GRB10: variants seen among roughly 807,000 people sequenced by gnomAD.
GRB10 encodes growth factor receptor bound protein 10.
GRB10 carries 20 observed loss-of-function variants against 80.9 expected under a neutral mutation model. The ratio of observed to expected loss-of-function variants is 0.25; its 90% CI spans 0.17 to 0.36. The LOEUF is 0.36. Ranked by LOEUF, GRB10 falls within the 10% of genes least tolerant of loss-of-function variation. GRB10 has a pLI of 1.00. For synonymous variants in GRB10, 291 were observed against 291.5 expected (o/e 1.00, Z 0.02); for missense variants, 548 against 747.7 (o/e 0.73, Z 3.12).
At chr7:50,692,926 C>A (rs2153659675) in intron 5 of GRB10, among the ~76,000 whole-genome samples, 1 of 152,244 alleles carries the variant, frequency 6.6e-6, no homozygotes, top group African/African-American at 2.4e-5. Flanking sequence ...GACTTCTGGG[C>A]AAGTTATCAA....
chr7:50,769,226 A>C (rs760686545), intron 2 of GRB10, among the ~76,000 whole-genome samples: 4 of 152,208 alleles, frequency 2.6e-5, no homozygotes, highest in Non-Finnish European at 5.9e-5. Context: ...AAGAGTCACA[A>C]CAATCGAATT....
chr7:50,733,840 G>C (rs1288964531), intron 3 of GRB10, among the ~76,000 whole-genome samples: 2 of 152,162 alleles, frequency 1.3e-5, no homozygotes, highest in African/African-American at 4.8e-5. Context: ...AATGTCTACA[G>C]TTACTTGGCT....
intron 4 of GRB10, chr7:50,727,170 C>T (rs1429783252): frequency 1.3e-5 from 2 of 152,260 alleles, no homozygotes; most frequent in African/African-American, 4.8e-5. Context: ...CTTTTCCCCA[C>T]TGCCAGCCTC....
intron 15 of GRB10, 83 bp downstream of exon 15, chr7:50,605,207 A>G: frequency 9.6e-7 from 1 of 1,039,678 alleles, no homozygotes; most frequent in Non-Finnish European, 1.5e-6. Context: ...ACCCGCATAG[A>G]GCTGTTCCTC....
At chr7:50,774,064 T>C (rs1214724185) in intron 2 of GRB10, among the ~76,000 whole-genome samples, 1 of 152,184 alleles carries the variant, frequency 6.6e-6, no homozygotes, top group Non-Finnish European at 1.5e-5. Flanking sequence ...ACAACATAGA[T>C]TAACCATGAA....
intron 2 of GRB10, among the ~76,000 whole-genome samples, chr7:50,771,158 A>G (rs1227365430): frequency 6.6e-6 from 1 of 152,154 alleles, no homozygotes; most frequent in Non-Finnish European, 1.5e-5. Context: ...ATTCAGAAAG[A>G]TTTTCTTAAA....
rs114914176 is a variant in GRB10, at chr7:50,610,943, T to C, written c.1194+1798A>G. On this transcript the variant is annotated intron_variant, in intron 13 of 18. Transcript: ENST00000401949. The stretch of plus-strand genomic sequence containing the variant: ...ATTTATTATATATTACCCAAAGTAA[T>C]AGAATTCATAGCTTCTTGGAGTATA... Among the ~76,000 whole-genome samples the C allele has an allele frequency of 6.3e-3, 962 of 152,258 alleles. 10 individuals carry two copies. Among genetic ancestry groups the C allele is most frequent in the African/African-American group, 0.022 (911 of 41,542 alleles).
At chr7:50,619,137 C>T (rs2051185980) in intron 9 of GRB10, 33 bp downstream of exon 9, 2 of 1,288,938 alleles carry the variant, frequency 1.6e-6, no homozygotes, top group African/African-American at 2.9e-5. Flanking sequence ...TTTCAAGAGT[C>T]CCAAACCCCA....
At chr7:50,718,923 G>A (rs187686042) in intron 4 of GRB10, among the ~76,000 whole-genome samples, 3 of 152,196 alleles carry the variant, frequency 2.0e-5, no homozygotes, top group Admixed American at 2.0e-4. Flanking sequence ...TCAGAGACTT[G>A]GAGTATCCAA....
chr7:50,682,168 G>A (rs1187493415), intron 5 of GRB10, among the ~76,000 whole-genome samples: 2 of 152,196 alleles, frequency 1.3e-5, no homozygotes, highest in African/African-American at 4.8e-5. Context: ...TCTTGAGAAG[G>A]GATCGTAGCT....
At chr7:50,669,959 G>A in intron 6 of GRB10, 96 bp from the exon 7 acceptor site, 3 of 1,432,940 alleles carry the variant, frequency 2.1e-6, no homozygotes, top group Non-Finnish European at 2.9e-6. Context: ...AGGACACAGG[G>A]CTTCTAGGAG....
intron 2 of GRB10, among the ~76,000 whole-genome samples, chr7:50,778,632 A>T (rs2077950486): frequency 6.6e-6 from 1 of 152,214 alleles, no homozygotes; most frequent in Non-Finnish European, 1.5e-5. Flanking sequence ...GGGACAACCC[A>T]ACCCTACCTC....
chr7:50,752,615 CT>C (rs1293745185), intron 3 of GRB10, among the ~76,000 whole-genome samples: 1 of 152,204 alleles, frequency 6.6e-6, no homozygotes, highest in East Asian at 1.9e-4. Context: ...GAGCCCTCCC[CT>C]GACTGCATTC....
intron 5 of GRB10, among the ~76,000 whole-genome samples, chr7:50,696,642 G>A (rs1418860316): frequency 6.6e-6 from 1 of 152,164 alleles, no homozygotes; most frequent in Non-Finnish European, 1.5e-5. Flanking sequence ...CTGGTGAGAG[G>A]CATGGCCAGG....
chr7:50,703,014 C>T (rs2064468873), intron 5 of GRB10, among the ~76,000 whole-genome samples: 1 of 152,232 alleles, frequency 6.6e-6, no homozygotes, highest in Admixed American at 6.5e-5. Context: ...TTCCCCGCAT[C>T]ATGTCACTTC....
At chr7:50,655,752 T>C (rs935744619) in intron 7 of GRB10, among the ~76,000 whole-genome samples, 3 of 152,212 alleles carry the variant, frequency 2.0e-5, no homozygotes, top group African/African-American at 7.2e-5. Flanking sequence ...CTGGGACACC[T>C]AAGGCCCTGG....
rs944099066 is a variant in GRB10 at position 50,756,050 on chromosome 7, G to A, written c.-210C>T. 15 of 398,516 alleles carry A rather than the reference G, an allele frequency of 3.8e-5. No homozygotes were observed. Among genetic ancestry groups the A allele is most frequent in the Middle Eastern group, 1.2e-3 (2 of 1,610 alleles). 24.7% of individuals were successfully genotyped at this position (398,516 alleles called of 1,614,324 possible). ...CTTCCTGCTCAGCATTGTGGTCAGC[G>A]CCAAAGCTGGAAAGTCAAACGGGCC... On this transcript the variant is annotated 5_prime_UTR_variant, in exon 3 of 19. Coordinates refer to ENST00000401949, the MANE Select transcript of GRB10 (RefSeq NM_001350814.2).
chr7:50,595,391 C>A lies in GRB10; in HGVS notation c.1638+46G>T, dbSNP rs1414581059. ...CTTGAAAATTGCATTAAGAATGAAA[C>A]CAGAAAACAAACCACAAGGACTGGT... On this transcript the variant is annotated intron_variant, in intron 18 of 18. Coordinates refer to ENST00000401949, the MANE Select transcript of GRB10 (RefSeq NM_001350814.2). The A allele has an allele frequency of 1.9e-6, 2 of 1,040,554 alleles. 1 individual carries two copies. The highest frequency in any genetic ancestry group is 3.4e-5 in the Admixed American group (2 of 59,288). The allele number at this position is 1,040,554 out of a possible 1,614,324, so 64.5% of individuals were successfully genotyped here.
chr7:50,711,071 G>A (rs1174157171), intron 4 of GRB10: 5 of 665,592 alleles, frequency 7.5e-6, no homozygotes. Flanking sequence ...AGAATGACAG[G>A]GATTCGAAAT....
Sources: gnomAD v4.1 joint callset for allele counts (sites outside exome capture counted in the v4.1 genomes callset) on GRCh38, gnomAD v4.1.1 for gene constraint, MANE v1.5 for transcripts, NCBI Gene and HGNC (gene_info 2026-07-23, HGNC 2026-07-21) for gene names.